SNTA1: variants seen among roughly 807,000 people sequenced by gnomAD.
The protein encoded by SNTA1 is alpha-1-syntrophin.
Under a neutral mutation model 47.1 loss-of-function variants are expected in SNTA1, and 31 were observed. The ratio of observed to expected loss-of-function variants is 0.66; its 90% CI spans 0.49 to 0.89. The LOEUF is 0.89. Among genes scored for constraint, SNTA1 ranks in the 40% least tolerant of loss-of-function variants. The pLI, the probability that SNTA1 is intolerant of heterozygous loss-of-function variation, is 0.00. For synonymous variants in SNTA1, 300 were observed against 313.6 expected (o/e 0.96, Z 0.46); for missense variants, 575 against 693.0 (o/e 0.83, Z 1.91).
chr20:33,437,132 G>A (rs1990460392), intron 2 of SNTA1, among the ~76,000 whole-genome samples: 1 of 151,766 alleles, frequency 6.6e-6, no homozygotes, highest in Non-Finnish European at 1.5e-5. Flanking sequence ...GCATGGTGGT[G>A]GGTGCCTGTA....
rs570891119 is a variant in SNTA1 at position 33,424,278 on chromosome 20, C to T, written c.497-6355G>A. On this transcript the variant is annotated intron_variant, in intron 2 of 7. Coordinates refer to ENST00000217381, the MANE Select transcript of SNTA1 (RefSeq NM_003098.3). The stretch of plus-strand genomic sequence containing the variant: ...GCAGTGAGCCAAGATTGTACCATTG[C>T]ACTCCAGCCTGGGCAACAAGAGTGA... 3.3e-3 allele frequency among the ~76,000 whole-genome samples: 491 copies of T among 149,402 alleles called. 7 individuals carry two copies. The highest frequency in any genetic ancestry group is 2.6e-3 in the Non-Finnish European group (173 of 67,568).
chr20:33,415,274 G>A (rs553458345), intron 3 of SNTA1, among the ~76,000 whole-genome samples: 4 of 152,258 alleles, frequency 2.6e-5, no homozygotes, highest in South Asian at 4.1e-4. Flanking sequence ...ATATACACAC[G>A]TTTCAGGTAA....
At chr20:33,416,113 C>T (rs1170402735) in intron 3 of SNTA1, among the ~76,000 whole-genome samples, 1 of 152,124 alleles carries the variant, frequency 6.6e-6, no homozygotes, top group Non-Finnish European at 1.5e-5. Flanking sequence ...GTCTCAAAAA[C>T]AAAAACAAAG....
intron 2 of SNTA1, among the ~76,000 whole-genome samples, chr20:33,423,660 A>G (rs933551563): frequency 2.0e-5 from 3 of 152,218 alleles, no homozygotes; most frequent in Non-Finnish European, 4.4e-5. Flanking sequence ...CACTGGAAAC[A>G]CATGGAAGAG....
intron 2 of SNTA1, among the ~76,000 whole-genome samples, chr20:33,425,204 G>A (rs552780860): frequency 6.6e-6 from 1 of 151,856 alleles, no homozygotes; most frequent in East Asian, 2.0e-4. Context: ...TTGAGCCAGG[G>A]AGGTCAAGGC....
intron 3 of SNTA1, among the ~76,000 whole-genome samples, chr20:33,415,424 A>G (rs1395100192): frequency 6.6e-6 from 1 of 152,214 alleles, no homozygotes; most frequent in Non-Finnish European, 1.5e-5. Context: ...TGGGAGCCCA[A>G]GGTGGGTGGA....
chr20:33,434,092 T>C (rs181608524), intron 2 of SNTA1, among the ~76,000 whole-genome samples: 8 of 152,198 alleles, frequency 5.3e-5, no homozygotes, highest in African/African-American at 1.9e-4. Flanking sequence ...TCCTCAGTAA[T>C]GGGATGTGAG....
At chr20:33,434,629 G>A (rs1002944815) in intron 2 of SNTA1, among the ~76,000 whole-genome samples, 2 of 152,004 alleles carry the variant, frequency 1.3e-5, no homozygotes, top group African/African-American at 2.4e-5. Flanking sequence ...TTTCTGCTGA[G>A]CCCAGACAAA....
chr20:33,410,243 C>G lies in SNTA1; in HGVS notation c.1129G>C (p.Asp377His). The change falls in exon 6 of 8, where the codon GAC (aspartate) becomes CAC (histidine). Residue 377 changes from aspartate to histidine, a missense_variant. Asp to His is a moderately conservative substitution (Grantham distance 81). Transcript: ENST00000217381. The part of the protein sequence containing the change: ...ALRTGTRHGV[D>H]THLFSVESPQ... ...GACTCCACGCTGAACAGGTGAGTGT[C>G]CACACCGTGACGCGTGCCCGTGCGC... is the stretch of plus-strand genomic sequence containing the variant. 1 of 1,613,688 alleles carries G rather than the reference C, an allele frequency of 6.2e-7. No individual in the cohort carries two copies. The highest frequency in any genetic ancestry group is 8.5e-7 in the Non-Finnish European group (1 of 1,179,966).
In SNTA1 at chr20:33,443,712, G is replaced by T. The variant is rs1018674417; in HGVS notation, c.-92C>A. On this transcript the variant is annotated 5_prime_UTR_variant, in exon 1 of 8. Transcript: ENST00000217381. ...AGCGCCCAGGGCAGAGGGCAGCGGGGGCCCGGCTGGGCCAGCCGCCACCCT... is the reference window on the plus strand; with the variant it reads ...AGCGCCCAGGGCAGAGGGCAGCGGGTGCCCGGCTGGGCCAGCCGCCACCCT... The T allele has an allele frequency of 5.0e-5, 39 of 782,508 alleles. No homozygotes were observed. Among genetic ancestry groups the T allele is most frequent in the Non-Finnish European group, 6.2e-5 (38 of 612,940 alleles). 48.5% of individuals were successfully genotyped at this position (782,508 alleles called of 1,614,324 possible).
chr20:33,420,951 T>TCCA (rs1174426350), intron 2 of SNTA1, among the ~76,000 whole-genome samples: 1 of 148,228 alleles, frequency 6.7e-6, no homozygotes, highest in East Asian at 2.0e-4. Flanking sequence ...GCCACTGCAC[T>TCCA]CCAGCCTGAG....
intron 3 of SNTA1, among the ~76,000 whole-genome samples, chr20:33,415,699 G>A (rs1043795197): frequency 6.6e-6 from 1 of 151,876 alleles, no homozygotes; most frequent in Admixed American, 6.6e-5. Context: ...GCTGAGGCAG[G>A]AGAATTGCCT....
At chr20:33,437,316 A>T (rs1175146973) in intron 2 of SNTA1, among the ~76,000 whole-genome samples, 3 of 150,882 alleles carry the variant, frequency 2.0e-5, no homozygotes, top group African/African-American at 7.3e-5. Flanking sequence ...AGTCCCAGCC[A>T]CTCAGGAGGT....
intron 2 of SNTA1, among the ~76,000 whole-genome samples, chr20:33,430,503 T>A (rs1990279922): frequency 6.6e-6 from 1 of 151,224 alleles, no homozygotes; most frequent in Non-Finnish European, 1.5e-5. Context: ...CTTGAACTCC[T>A]GACCTCAGGT....
intron 2 of SNTA1, among the ~76,000 whole-genome samples, chr20:33,423,254 G>C (rs1023879111): frequency 6.6e-6 from 1 of 152,182 alleles, no homozygotes; most frequent in Non-Finnish European, 1.5e-5. Flanking sequence ...CACAAACCAA[G>C]TGGCCTGTCC....
chr20:33,439,043 G>A lies in SNTA1; in HGVS notation c.311-17C>T, dbSNP rs755101504. ...CCCGGCCGCCTGCACAGGTACAGAA[G>A]GAGGACAAGACTTAGGCAGATACTC... On this transcript the variant is annotated splice_polypyrimidine_tract_variant and intron_variant, in intron 1 of 7. Coordinates refer to ENST00000217381, the MANE Select transcript of SNTA1 (RefSeq NM_003098.3). 6.2e-7 allele frequency: 1 copy of A among 1,612,032 alleles called. No homozygotes were observed. Among genetic ancestry groups the A allele is most frequent in the Non-Finnish European group, 8.5e-7 (1 of 1,178,168 alleles).
chr20:33,411,782 C>T (rs1195224598), intron 5 of SNTA1, among the ~76,000 whole-genome samples: 1 of 152,240 alleles, frequency 6.6e-6, no homozygotes, highest in Non-Finnish European at 1.5e-5. Flanking sequence ...CATGAACATG[C>T]TATAGCCCTT....
chr20:33,409,992 C>G, intron 6 of SNTA1, 143 bp downstream of exon 6: 1 of 805,756 alleles, frequency 1.2e-6, no homozygotes, highest in Non-Finnish European at 2.1e-6. Context: ...TCTCAAACTT[C>G]TGACCTCAGG....
chr20:33,428,235 C>T (rs968777372), intron 2 of SNTA1, among the ~76,000 whole-genome samples: 1 of 151,958 alleles, frequency 6.6e-6, no homozygotes, highest in Non-Finnish European at 1.5e-5. Context: ...TGGCGAAATC[C>T]CATCTCCACA....
Sources: gnomAD v4.1 joint callset for allele counts (sites outside exome capture counted in the v4.1 genomes callset) on GRCh38, gnomAD v4.1.1 for gene constraint, MANE v1.5 for transcripts, NCBI Gene and HGNC (gene_info 2026-07-23, HGNC 2026-07-21) for gene names.